The following HCN1 variants were observed in gnomAD, a reference collection of about 807,000 sequenced individuals.
HCN1 encodes the protein hyperpolarization activated cyclic nucleotide gated potassium channel 1.
HCN1 carries 13 observed loss-of-function variants against 78.9 expected under a neutral mutation model. That is an observed-to-expected ratio of 0.16 (90% CI 0.11 to 0.26). HCN1 has a LOEUF of 0.26. Among genes scored for constraint, HCN1 ranks in the 10% least tolerant of loss-of-function variants. HCN1 has a pLI of 1.00. For synonymous variants in HCN1, 552 were observed against 455.5 expected (o/e 1.21, Z -2.70); for missense variants, 810 against 1,154.3 (o/e 0.70, Z 4.32).
At chr5:45,495,834 C>A (rs1423005232) in intron 2 of HCN1, among the ~76,000 whole-genome samples, 4 of 152,166 alleles carry the variant, frequency 2.6e-5, no homozygotes, top group Non-Finnish European at 5.9e-5. Context: ...TTGTCAAAGG[C>A]ATTTTCTGCA....
chr5:45,273,826 T>C (rs1745004107), intron 6 of HCN1, among the ~76,000 whole-genome samples: 1 of 152,172 alleles, frequency 6.6e-6, no homozygotes, highest in Non-Finnish European at 1.5e-5. Context: ...GTAGACTTTC[T>C]GTATTTATAT....
intron 5 of HCN1, among the ~76,000 whole-genome samples, chr5:45,306,042 CAAA>C (rs571169570): frequency 6.6e-6 from 1 of 151,562 alleles, no homozygotes; most frequent in Non-Finnish European, 1.5e-5. Flanking sequence ...TATTTCTATA[CAAA>C]AACAACAGGA....
chr5:45,407,373 A>G (rs1739945664), intron 3 of HCN1, among the ~76,000 whole-genome samples: 1 of 152,162 alleles, frequency 6.6e-6, no homozygotes, highest in African/African-American at 2.4e-5. Context: ...ATAATACTTG[A>G]AAATGATAAT....
chr5:45,413,493 T>A (rs1740062915), intron 3 of HCN1, among the ~76,000 whole-genome samples: 1 of 152,040 alleles, frequency 6.6e-6, no homozygotes, highest in South Asian at 2.1e-4. Context: ...ATTCCAATTA[T>A]ACATGCCAAT....
chr5:45,264,138 T>C (rs1744807263), intron 7 of HCN1, among the ~76,000 whole-genome samples: 1 of 152,200 alleles, frequency 6.6e-6, no homozygotes, highest in Admixed American at 6.5e-5. Flanking sequence ...ACTGACTTTA[T>C]GATCTTTCCT....
At chr5:45,410,838 T>C (rs1157476075) in intron 3 of HCN1, among the ~76,000 whole-genome samples, 2 of 152,102 alleles carry the variant, frequency 1.3e-5, no homozygotes, top group Non-Finnish European at 2.9e-5. Context: ...TTCAGTGTGT[T>C]CTTAGTATGA....
At chr5:45,433,745 A>G (rs1163358147) in intron 3 of HCN1, among the ~76,000 whole-genome samples, 2 of 152,176 alleles carry the variant, frequency 1.3e-5, no homozygotes, top group Non-Finnish European at 2.9e-5. Context: ...TGCCTGAGAA[A>G]TGCACCATTT....
chr5:45,309,234 C>T (rs933251927), intron 5 of HCN1, among the ~76,000 whole-genome samples: 4 of 152,100 alleles, frequency 2.6e-5, no homozygotes, highest in Non-Finnish European at 5.9e-5. Flanking sequence ...TGAGACTTTA[C>T]TGAAGTTGCT....
In HCN1 at chr5:45,402,044, G is replaced by T. The variant is rs973625506; in HGVS notation, c.1012-5334C>A. ...TTGATGGGGAGTAGGAGTATTTGGA[G>T]GCTGAGAAAAGTTACCAAACCCCAT... On this transcript the variant is annotated intron_variant, in intron 3 of 7. Coordinates refer to ENST00000303230, the MANE Select transcript of HCN1 (RefSeq NM_021072.4). Among the ~76,000 whole-genome samples, 3 of 152,024 alleles carry T rather than the reference G, an allele frequency of 2.0e-5. No homozygotes were observed. In the East Asian group the frequency reaches 5.8e-4, roughly 29 times the overall value.
intron 4 of HCN1, among the ~76,000 whole-genome samples, chr5:45,362,703 A>G (rs1315633962): frequency 6.6e-6 from 1 of 152,120 alleles, no homozygotes; most frequent in Admixed American, 6.6e-5. Context: ...AATGAAATTG[A>G]GGCACAGAGA....
intron 3 of HCN1, among the ~76,000 whole-genome samples, chr5:45,408,061 T>C (rs1055391418): frequency 3.9e-5 from 6 of 152,176 alleles, no homozygotes; most frequent in African/African-American, 1.4e-4. Flanking sequence ...TATACAGTTG[T>C]ACAATGTGCT....
At chr5:45,309,326 A>C (rs527655938) in intron 5 of HCN1, among the ~76,000 whole-genome samples, 7 of 152,132 alleles carry the variant, frequency 4.6e-5, no homozygotes, top group Admixed American at 2.0e-4. Flanking sequence ...GGATAGCTTG[A>C]CTTCCTCTTT....
intron 2 of HCN1, among the ~76,000 whole-genome samples, chr5:45,523,150 T>C (rs896041812): frequency 2.0e-5 from 3 of 152,102 alleles, no homozygotes; most frequent in Admixed American, 6.6e-5. Context: ...AGAATGATGA[T>C]TTCCAATTTC....
chr5:45,303,781 G>A lies in HCN1; in HGVS notation c.1436C>T (p.Ala479Val), dbSNP rs762522770. The change falls in exon 6 of 8, where the codon GCG (alanine) becomes GTG (valine). Residue 479 changes from alanine to valine, a missense_variant. Transcript: ENST00000303230. ...CATGGCAGTCACAAAATTAGGATCC[G>A]CATTAGCAAATAAAGGCATTGTAGC... ...LVATMPLFAN[A>V]DPNFVTAMLS... 1.2e-5 allele frequency: 20 copies of A among 1,613,490 alleles called. No homozygotes were observed. Among genetic ancestry groups the A allele is most frequent in the African/African-American group, 2.7e-5 (2 of 74,982 alleles).
Position 45,329,635 on chromosome 5 carries a change from A to G in HCN1, c.1377+23465T>C, listed in dbSNP as rs561142607. On this transcript the variant is annotated intron_variant, in intron 5 of 7. Transcript: ENST00000303230. ...GATCATAGAATAAATTATTTTTGCA[A>G]TGACTCATATACATTTATAGATATG... is the stretch of plus-strand genomic sequence containing the variant. Among the ~76,000 whole-genome samples the G allele has an allele frequency of 6.7e-4, 101 of 151,612 alleles. No homozygotes were observed. The Middle Eastern group carries it at 0.024, about 36-fold the overall frequency.
At chr5:45,312,695 G>A (rs1035473707) in intron 5 of HCN1, among the ~76,000 whole-genome samples, 1 of 152,204 alleles carries the variant, frequency 6.6e-6, no homozygotes, top group South Asian at 2.1e-4. Flanking sequence ...AATGGTCTTA[G>A]CAAACGGCAC....
At chr5:45,570,967 T>C (rs1191699768) in intron 2 of HCN1, among the ~76,000 whole-genome samples, 2 of 152,206 alleles carry the variant, frequency 1.3e-5, no homozygotes, top group Admixed American at 6.6e-5. Context: ...ATGAGGATTA[T>C]GGACAATATT....
At chr5:45,396,906 G>A (rs546110969) in intron 3 of HCN1, among the ~76,000 whole-genome samples, 196 bp from the exon 4 acceptor site, 3 of 152,256 alleles carry the variant, frequency 2.0e-5, no homozygotes, top group South Asian at 2.1e-4. Flanking sequence ...TGATGAAGTG[G>A]AAACAGTCTG....
At chr5:45,620,799 T>G (rs1659782477) in intron 2 of HCN1, among the ~76,000 whole-genome samples, 1 of 152,170 alleles carries the variant, frequency 6.6e-6, no homozygotes, top group Non-Finnish European at 1.5e-5. Flanking sequence ...GCAGTCCCTG[T>G]ATCTGACAAG....
Sources: gnomAD v4.1 joint callset for allele counts (sites outside exome capture counted in the v4.1 genomes callset) on GRCh38, gnomAD v4.1.1 for gene constraint, MANE v1.5 for transcripts, NCBI Gene and HGNC (gene_info 2026-07-23, HGNC 2026-07-21) for gene names.